CNIH3: variants seen among roughly 807,000 people sequenced by gnomAD.
CNIH3 encodes protein cornichon homolog 3.
A neutral mutation model predicts 24.1 loss-of-function variants in CNIH3; 14 were observed. That is an observed-to-expected ratio of 0.58 (90% CI 0.38 to 0.91). CNIH3 has a LOEUF of 0.91. Among genes scored for constraint, CNIH3 ranks in the 40% least tolerant of loss-of-function variants. CNIH3 has a pLI of 0.00. For synonymous variants in CNIH3, 68 were observed against 73.8 expected (o/e 0.92, Z 0.40); for missense variants, 178 against 196.8 (o/e 0.90, Z 0.57).
At chr1:224,675,726 C>T (rs12730234) in intron 1 of CNIH3, among the ~76,000 whole-genome samples, 46,107 of 152,104 alleles carry the variant, frequency 0.3, 8,806 homozygotes, top group Middle Eastern at 0.51. Context: ...GAAAAGTGCT[C>T]AGCATCGTTA....
intron 2 of CNIH3, among the ~76,000 whole-genome samples, chr1:224,527,949 A>T (rs1379640786): frequency 6.6e-6 from 1 of 152,216 alleles, no homozygotes; most frequent in African/African-American, 2.4e-5. Context: ...CTGTATATGT[A>T]CACACACATA....
At chr1:224,639,098 GGAAGGT>G (rs1684231243) in intron 1 of CNIH3, among the ~76,000 whole-genome samples, 1 of 152,224 alleles carries the variant, frequency 6.6e-6, no homozygotes, top group Non-Finnish European at 1.5e-5. Context: ...TTCCCCAATA[GGAAGGT>G]AAATTCCCAA....
intron 1 of CNIH3, among the ~76,000 whole-genome samples, chr1:224,479,617 C>A (rs1316889055): frequency 6.6e-6 from 1 of 152,236 alleles, no homozygotes; most frequent in African/African-American, 2.4e-5. Flanking sequence ...TATAGCCATT[C>A]CAAATAGGAG....
intron 1 of CNIH3, among the ~76,000 whole-genome samples, chr1:224,504,629 C>T (rs1221699250): frequency 6.6e-6 from 1 of 151,914 alleles, no homozygotes; most frequent in Non-Finnish European, 1.5e-5. Context: ...TGTCACTAGT[C>T]CAACCCCACC....
chr1:224,648,750 G>A (rs944894566), intron 1 of CNIH3, among the ~76,000 whole-genome samples: 1 of 152,088 alleles, frequency 6.6e-6, no homozygotes, highest in African/African-American at 2.4e-5. Flanking sequence ...GAATATCTTG[G>A]TGCACAGTGA....
intron 1 of CNIH3, among the ~76,000 whole-genome samples, chr1:224,660,822 C>G (rs542343156): frequency 6.6e-6 from 1 of 152,334 alleles, no homozygotes; most frequent in African/African-American, 2.4e-5. Flanking sequence ...GCTGACACTG[C>G]TTGGCTCACA....
At chr1:224,693,424 C>T (rs2405527) in intron 3 of CNIH3, among the ~76,000 whole-genome samples, 6,190 of 152,314 alleles carry the variant, frequency 0.041, 187 homozygotes, top group East Asian at 0.11. Flanking sequence ...TTATTTCTCA[C>T]GAGTCCATGG....
intron 3 of CNIH3, among the ~76,000 whole-genome samples, chr1:224,697,605 G>A (rs1192001789): frequency 2.6e-5 from 4 of 152,154 alleles, no homozygotes; most frequent in Admixed American, 6.5e-5. Context: ...CACGAGCCAC[G>A]TGCTTTTCAT....
At chr1:224,665,307 G>C (rs1685542795) in intron 1 of CNIH3, among the ~76,000 whole-genome samples, 1 of 152,194 alleles carries the variant, frequency 6.6e-6, no homozygotes, top group Non-Finnish European at 1.5e-5. Flanking sequence ...GTCTGGTGTA[G>C]AGAAGGAGGT....
rs1028837835 is a variant in CNIH3 at position 224,638,158 on chromosome 1, G to C, written c.81+20903G>C. Among the ~76,000 whole-genome samples the C allele has an allele frequency of 2.6e-5, 4 of 152,248 alleles. 1 individual carries two copies. Among genetic ancestry groups the C allele is most frequent in the Admixed American group, 6.5e-5 (1 of 15,290 alleles). ...GCAGGTGCCAACATCCTAGAGACTG[G>C]GTAGGGCTAGCCTGCACCTTCCGCT... On this transcript the variant is annotated intron_variant, in intron 1 of 5. Transcript: ENST00000272133.
intron 3 of CNIH3, among the ~76,000 whole-genome samples, chr1:224,606,469 T>C (rs1682427597): frequency 6.6e-6 from 1 of 152,156 alleles, no homozygotes; most frequent in Non-Finnish European, 1.5e-5. Flanking sequence ...TAGTCTCCAA[T>C]GTCCAGCTGC....
At chr1:224,499,824 G>A (rs2124867279) in intron 1 of CNIH3, among the ~76,000 whole-genome samples, 1 of 151,640 alleles carries the variant, frequency 6.6e-6, no homozygotes, top group South Asian at 2.1e-4. Flanking sequence ...AGCACTTTGG[G>A]AGGCTGAGGC....
chr1:224,677,456 G>A (rs114551239), intron 1 of CNIH3, among the ~76,000 whole-genome samples: 1 of 152,218 alleles, frequency 6.6e-6, no homozygotes, highest in Non-Finnish European at 1.5e-5. Flanking sequence ...ATACATTAGC[G>A]AGTAGCCACT....
chr1:224,489,752 A>G (rs1199554121), intron 1 of CNIH3, among the ~76,000 whole-genome samples: 1 of 152,194 alleles, frequency 6.6e-6, no homozygotes. Flanking sequence ...AACAACAAAC[A>G]TTGATTTTTC....
At chr1:224,455,715 C>A (rs1660570898) in intron 1 of CNIH3, among the ~76,000 whole-genome samples, 1 of 152,128 alleles carries the variant, frequency 6.6e-6, no homozygotes, top group Non-Finnish European at 1.5e-5. Flanking sequence ...TTCTGTACCC[C>A]TTATGTGTTA....
intron 3 of CNIH3, among the ~76,000 whole-genome samples, chr1:224,685,988 A>G (rs976987943): frequency 6.6e-6 from 1 of 152,214 alleles, no homozygotes; most frequent in Non-Finnish European, 1.5e-5. Context: ...TTGGAGACCC[A>G]TAACCTGCTC....
chr1:224,615,646 C>A (rs1294171925), upstream of CNIH3: 3 of 152,160 alleles, frequency 2.0e-5, no homozygotes, highest in East Asian at 5.8e-4. Flanking sequence ...TCCACTAGGA[C>A]CAACACCAAT....
At chr1:224,667,074 C>T (rs886788313) in intron 1 of CNIH3, among the ~76,000 whole-genome samples, 2 of 152,156 alleles carry the variant, frequency 1.3e-5, no homozygotes, top group African/African-American at 4.8e-5. Flanking sequence ...GTCTGCAGCT[C>T]CCAGAACAGT....
At chr1:224,676,873 TGGGGGGTAGCCTAA>T (rs1686164977) in intron 1 of CNIH3, among the ~76,000 whole-genome samples, 2 of 152,176 alleles carry the variant, frequency 1.3e-5, no homozygotes, top group African/African-American at 2.4e-5. Flanking sequence ...TAGTGCTAAG[TGGGGGGTAGCCTAA>T]CCCCTACCTC....
Sources: allele counts gnomAD v4.1 joint callset (sites outside exome capture counted in the v4.1 genomes callset), GRCh38; gene constraint gnomAD v4.1.1; transcripts MANE v1.5; gene names NCBI Gene and HGNC (gene_info 2026-07-23, HGNC 2026-07-21).